ASTN1: variants seen among roughly 807,000 people sequenced by gnomAD.
ASTN1 encodes the protein astrotactin-1.
In ASTN1, 41 loss-of-function variants were observed where a neutral mutation model predicts 140.7. The observed-to-expected ratio is 0.29, with a 90% confidence interval of 0.23 to 0.38. The LOEUF is 0.38. Ranked by LOEUF, ASTN1 falls within the 10% of genes least tolerant of loss-of-function variation. The probability of loss-of-function intolerance (pLI) is 1.00; values close to 1 mark genes in which losing one functional copy is unlikely to be tolerated. For synonymous variants in ASTN1, 640 were observed against 652.2 expected (o/e 0.98, Z 0.29); for missense variants, 1,479 against 1,678.8 (o/e 0.88, Z 2.08).
At chr1:177,122,818 AG>A (rs1681467808) in intron 1 of ASTN1, among the ~76,000 whole-genome samples, 1 of 152,206 alleles carries the variant, frequency 6.6e-6, no homozygotes, top group South Asian at 2.1e-4. Flanking sequence ...AGGATCTAAA[AG>A]GTCTTCTCAG....
intron 2 of ASTN1, among the ~76,000 whole-genome samples, chr1:177,047,044 G>T (rs1472148920): frequency 2.0e-5 from 3 of 152,174 alleles, no homozygotes; most frequent in African/African-American, 7.2e-5. Context: ...TTAGCAAAAG[G>T]CCAGGCCCTT....
intron 17 of ASTN1, among the ~76,000 whole-genome samples, chr1:176,891,737 G>A (rs1204042098): frequency 6.6e-6 from 1 of 152,120 alleles, no homozygotes; most frequent in Non-Finnish European, 1.5e-5. Flanking sequence ...AGGTTGCAGT[G>A]AGCCAAGAAC....
At chr1:176,865,157 G>C (rs1037786621) in intron 22 of ASTN1, among the ~76,000 whole-genome samples, 2 of 152,184 alleles carry the variant, frequency 1.3e-5, no homozygotes, top group African/African-American at 2.4e-5. Context: ...CCCTCAGAAA[G>C]TCAGGAGGCC....
chr1:177,038,783 T>C (rs191894583), intron 2 of ASTN1, among the ~76,000 whole-genome samples: 3 of 152,326 alleles, frequency 2.0e-5, no homozygotes, highest in Admixed American at 2.0e-4. Flanking sequence ...ATGGAGTTTA[T>C]ATTTTAGTTA....
At chr1:176,897,445 A>G (rs1467608624) in intron 16 of ASTN1, among the ~76,000 whole-genome samples, 1 of 152,096 alleles carries the variant, frequency 6.6e-6, no homozygotes, top group South Asian at 2.1e-4. Flanking sequence ...CCTTCTAATT[A>G]TACGCATTTC....
At chr1:177,087,116 C>T (rs1679509487) in intron 1 of ASTN1, among the ~76,000 whole-genome samples, 1 of 152,042 alleles carries the variant, frequency 6.6e-6, no homozygotes. Flanking sequence ...GCACTGAGTC[C>T]TAACATGCCC....
chr1:177,124,466 T>A (rs1037881221), intron 1 of ASTN1, among the ~76,000 whole-genome samples: 3 of 152,134 alleles, frequency 2.0e-5, no homozygotes, highest in African/African-American at 7.2e-5. Flanking sequence ...AAGGCCTATA[T>A]GAGAGATTTA....
rs567655723 is a variant in ASTN1, at chr1:177,120,408, C to T, written c.283+43986G>A. Among the ~76,000 whole-genome samples the T allele has an allele frequency of 7.2e-5, 11 of 152,288 alleles. 1 individual carries two copies. In the East Asian group the frequency reaches 1.7e-3, roughly 24 times the overall value. ...ACAGAAAGGCTTTCTCCTCACCTCA[C>T]GCATCCCAAAGGGGTTTTCTTCATC... On this transcript the variant is annotated intron_variant, in intron 1 of 22. Transcript: ENST00000361833.
At position 176,863,421 on chromosome 1, in the gene ASTN1, G is replaced by A. The variant is rs887489406; in HGVS notation, c.*863C>T. ...CACATGGATATATATTGGTAGGCTGGAGAAGTCTATCCAAAGGAAGCATGG... is the reference window on the plus strand; with the variant it reads ...CACATGGATATATATTGGTAGGCTGAAGAAGTCTATCCAAAGGAAGCATGG... On this transcript the variant is annotated 3_prime_UTR_variant, in exon 23 of 23. Transcript: ENST00000361833. 1 of 985,698 alleles carries A rather than the reference G, an allele frequency of 1.0e-6. No homozygotes were observed. The highest frequency in any genetic ancestry group is 1.7e-5 in the African/African-American group (1 of 57,216). The allele number at this position is 985,698 out of a possible 1,614,324, so 61.1% of individuals were successfully genotyped here. A position where few individuals can be genotyped will look rare whatever the true frequency, so the allele number is the denominator to read the frequency against.
At chr1:176,980,344 A>T (rs889632781) in intron 8 of ASTN1, among the ~76,000 whole-genome samples, 1 of 152,132 alleles carries the variant, frequency 6.6e-6, no homozygotes, top group Non-Finnish European at 1.5e-5. Flanking sequence ...TCTGGGAAAG[A>T]GCTGAGGCCT....
At chr1:177,155,305 T>A (rs1236193645) in intron 1 of ASTN1, among the ~76,000 whole-genome samples, 1 of 152,230 alleles carries the variant, frequency 6.6e-6, no homozygotes, top group Non-Finnish European at 1.5e-5. Flanking sequence ...ACCATACATG[T>A]GTGAACATTC....
chr1:176,939,573 GA>G (rs1343916199), intron 14 of ASTN1, among the ~76,000 whole-genome samples: 1 of 152,010 alleles, frequency 6.6e-6, no homozygotes, highest in Admixed American at 6.6e-5. Flanking sequence ...TTTTCTAGGT[GA>G]GCCATATGAC....
chr1:177,152,695 GTTA>G (rs1194483020), intron 1 of ASTN1, among the ~76,000 whole-genome samples: 1 of 152,026 alleles, frequency 6.6e-6, no homozygotes, highest in Non-Finnish European at 1.5e-5. Context: ...ACTAGCTTTT[GTTA>G]TTCTTCTTCT....
intron 1 of ASTN1, among the ~76,000 whole-genome samples, chr1:177,077,142 G>A (rs560066432): frequency 1.3e-5 from 2 of 152,164 alleles, no homozygotes; most frequent in African/African-American, 2.4e-5. Flanking sequence ...TCTGCATGCC[G>A]CGTTCACTTC....
At chr1:177,094,834 T>C (rs1679949744) in intron 1 of ASTN1, among the ~76,000 whole-genome samples, 1 of 152,178 alleles carries the variant, frequency 6.6e-6, no homozygotes, top group Admixed American at 6.5e-5. Context: ...GTAATTCTGA[T>C]CAGGGCTCAG....
At chr1:176,932,512 T>C (rs77871053) in intron 16 of ASTN1, among the ~76,000 whole-genome samples, 260 of 152,334 alleles carry the variant, frequency 1.7e-3, no homozygotes, top group African/African-American at 6.1e-3. Context: ...AGGTAAGTTT[T>C]AGGAATTAAC....
At chr1:177,089,894 T>C (rs763589106) in intron 1 of ASTN1, among the ~76,000 whole-genome samples, 7 of 152,212 alleles carry the variant, frequency 4.6e-5, no homozygotes, top group Middle Eastern at 3.4e-3. Context: ...TCTAGCAGTT[T>C]TTACTTCAAT....
intron 14 of ASTN1, 71 bp from the exon 15 acceptor site, chr1:176,936,441 A>T: frequency 8.1e-7 from 1 of 1,227,890 alleles, no homozygotes; most frequent in Non-Finnish European, 1.2e-6. Flanking sequence ...AGCATGACCC[A>T]CCTCTATGAG....
At chr1:177,129,084 A>G (rs1399979509) in intron 1 of ASTN1, among the ~76,000 whole-genome samples, 2 of 152,208 alleles carry the variant, frequency 1.3e-5, no homozygotes, top group Admixed American at 1.3e-4. Flanking sequence ...GATAAACCAG[A>G]CTGATAGATG....
Sources: allele counts gnomAD v4.1 joint callset (sites outside exome capture counted in the v4.1 genomes callset), GRCh38; gene constraint gnomAD v4.1.1; transcripts MANE v1.5; gene names NCBI Gene and HGNC (gene_info 2026-07-23, HGNC 2026-07-21).